The following AFP variants were observed in gnomAD, a reference collection of about 807,000 sequenced individuals.
The protein encoded by AFP is alpha fetoprotein.
In AFP, 64 loss-of-function variants were observed where a neutral mutation model predicts 78.9. The observed-to-expected ratio is 0.81, with a 90% CI of 0.66 to 1.00. AFP has a LOEUF of 1.00. Among genes scored for constraint, AFP ranks in the 50% least tolerant of loss-of-function variants. The pLI is 0.00. For missense variants in AFP, 689 were observed against 703.8 expected (o/e 0.98, Z 0.24); for synonymous variants, 254 against 243.8 (o/e 1.04, Z -0.39).
At position 73,442,343 on chromosome 4, in the gene AFP, C is replaced by G. The variant is rs151308004; in HGVS notation, c.530C>G (p.Thr177Arg). ...AGGCATCCCTTCCTGTATGCACCTA[C>G]AATTCTTCTTTGGGCTGCTCGCTAT... ...ARRHPFLYAP[T>R]ILLWAARYDK... The change falls in exon 5 of 15, where the codon ACA (threonine) becomes AGA (arginine). Residue 177 changes from threonine (T) to arginine (R), a missense_variant. Physicochemically the swap from Thr to Arg is moderately conservative, Grantham distance 71 (BLOSUM62 -1). Transcript: ENST00000395792. 1 of 1,613,926 alleles carries G rather than the reference C, an allele frequency of 6.2e-7. No homozygotes were observed. The highest frequency in any genetic ancestry group is 2.2e-5 in the East Asian group (1 of 44,856).
Position 73,453,896 on chromosome 4 carries a change from A to G in AFP, c.1784A>G (p.Glu595Gly). 1 of 1,613,628 alleles carries G rather than the reference A, an allele frequency of 6.2e-7. No homozygotes were observed. The highest frequency in any genetic ancestry group is 8.5e-7 in the Non-Finnish European group (1 of 1,179,626). ...GQEQEVCFAEEGQKLISKTRA... is the reference protein window; with the variant it reads ...GQEQEVCFAEGGQKLISKTRA... ...GAACAGGAAGTCTGCTTTGCTGAAG[A>G]GGTACATGCAGCTCATTTCATACTC... Residue 595 changes from glutamate to glycine, a missense_variant and splice_region_variant, in exon 13 of 15, where the codon GAG becomes GGG. Glu to Gly is a moderately conservative substitution (Grantham distance 98). Coordinates refer to ENST00000395792, the MANE Select transcript of AFP (RefSeq NM_001134.3).
chr4:73,454,343 A>G (rs113534837), intron 13 of AFP, among the ~76,000 whole-genome samples: 2,031 of 152,152 alleles, frequency 0.013, 27 homozygotes, highest in African/African-American at 0.042. Flanking sequence ...AGTAGTATTT[A>G]GGAGTTATTT....
chr4:73,439,576 A>C lies in AFP; in HGVS notation c.271-1026A>C, dbSNP rs373772049. Among the ~76,000 whole-genome samples, 52 of 152,320 alleles carry C rather than the reference A, an allele frequency of 3.4e-4. 1 individual carries two copies. In the South Asian group the frequency reaches 8.1e-3, roughly 24 times the overall value. ...TTTTAAATGAGGATTGGGAATTAGA[A>C]ATCTTACGTAAGCCTTCCAGGATTC... is the stretch of plus-strand genomic sequence containing the variant. On this transcript the variant is annotated intron_variant, in intron 3 of 14. Coordinates refer to ENST00000395792, the MANE Select transcript of AFP (RefSeq NM_001134.3).
chr4:73,453,599 C>G (rs1167302123), intron 12 of AFP, 166 bp from the exon 13 acceptor site: 1 of 757,532 alleles, frequency 1.3e-6, no homozygotes, highest in African/African-American at 1.8e-5. Flanking sequence ...ATGCTTTCAG[C>G]CTCAATCTTT....
At position 73,452,518 on chromosome 4, in the gene AFP, G is replaced by A. The variant is rs1720029539; in HGVS notation, c.1546G>A (p.Val516Met). Residue 516 changes from valine (V) to methionine (M), a missense_variant, in exon 12 of 15, where the codon GTG becomes ATG. Val to Met is a conservative substitution (Grantham distance 21, BLOSUM62 1). Coordinates refer to ENST00000395792, the MANE Select transcript of AFP (RefSeq NM_001134.3). The part of the protein sequence containing the change: ...ANRRPCFSSL[V>M]VDETYVPPAF... Reference sequence around the variant, plus strand: ...CAGGAGGCCATGCTTCAGCAGCTTGGTGGTGGATGAAACATATGTCCCTCC... The same window carrying A: ...CAGGAGGCCATGCTTCAGCAGCTTGATGGTGGATGAAACATATGTCCCTCC... 1.9e-6 allele frequency: 3 copies of A among 1,614,104 alleles called. No homozygotes were observed. The highest frequency in any genetic ancestry group is 2.5e-6 in the Non-Finnish European group (3 of 1,179,974).
chr4:73,443,458 C>G lies in AFP; in HGVS notation c.713+14C>G, dbSNP rs367614129. On this transcript the variant is annotated intron_variant, in intron 6 of 14. Transcript: ENST00000395792. ...TTTCCAAGCCATGTAAGTTCAAGTT[C>G]TATCTAGGGAAGAGGGTGAGAGCTA... 3.1e-5 allele frequency: 49 copies of G among 1,576,138 alleles called. No homozygotes were observed. The African/African-American group carries it at 5.3e-4, about 17-fold the overall frequency.
chr4:73,455,722 A>C lies in AFP; in HGVS notation c.*102A>C. The C allele has an allele frequency of 1.5e-6, 1 of 681,962 alleles. No homozygotes were observed. Among genetic ancestry groups the C allele is most frequent in the Non-Finnish European group, 2.6e-6 (1 of 378,670 alleles). The allele number at this position is 681,962 out of a possible 1,614,324, so 42.2% of individuals were successfully genotyped here. A position where few individuals can be genotyped will look rare whatever the true frequency, so the allele number is the denominator to read the frequency against. ...ACACTTTTTGTGAATTAATGAAATGATAAAGACTTTTATGTGAGATTTCCT... is the reference window on the plus strand; with the variant it reads ...ACACTTTTTGTGAATTAATGAAATGCTAAAGACTTTTATGTGAGATTTCCT... On this transcript the variant is annotated 3_prime_UTR_variant, in exon 15 of 15. Coordinates refer to ENST00000395792, the MANE Select transcript of AFP (RefSeq NM_001134.3).
chr4:73,444,480 T>A (rs1358958685), intron 6 of AFP, among the ~76,000 whole-genome samples: 11 of 152,162 alleles, frequency 7.2e-5, no homozygotes, highest in Admixed American at 5.9e-4. Flanking sequence ...ATTTCTTACT[T>A]CTTTTTTGGC....
chr4:73,453,164 T>A (rs927860431), intron 12 of AFP, among the ~76,000 whole-genome samples: 1 of 152,230 alleles, frequency 6.6e-6, no homozygotes, highest in Admixed American at 6.5e-5. Context: ...TGCATTTTAA[T>A]CCTCACTTGT....
chr4:73,447,367 C>T (rs994973792), intron 7 of AFP, 95 bp from the exon 8 acceptor site: 9 of 858,122 alleles, frequency 1.0e-5, no homozygotes, highest in African/African-American at 8.7e-5. Context: ...TCCCTTCTCC[C>T]TCCCTCCCCT....
rs777832818 is a variant in AFP at position 73,440,808 on chromosome 4, GA to G, written c.479del (p.Asn160ThrfsTer7). The G allele has an allele frequency of 9.9e-6, 16 of 1,613,160 alleles. No homozygotes were observed. On this transcript the variant is annotated frameshift_variant, in exon 4 of 15. Transcript: ENST00000395792. LOFTEE classifies it high-confidence loss of function. Reference sequence around the variant, plus strand: ...ATGAAGAAGACAGGGAGACATTCATGAACAAGTAAGGATCCAGTTTAAAGGT... The same window carrying G: ...ATGAAGAAGACAGGGAGACATTCATGACAAGTAAGGATCCAGTTTAAAGGT... ...AYEEDRETFM[N>X]KFIYEIARRH... is the part of the protein sequence containing the mutation.
At chr4:73,443,998 A>G (rs1719749947) in intron 6 of AFP, among the ~76,000 whole-genome samples, 1 of 152,182 alleles carries the variant, frequency 6.6e-6, no homozygotes, top group Non-Finnish European at 1.5e-5. Context: ...CTCTTTTATG[A>G]TAAAACATTT....
chr4:73,453,952 G>A (rs1014543169), intron 13 of AFP, 55 bp downstream of exon 13: 1 of 1,601,616 alleles, frequency 6.2e-7, no homozygotes, highest in Non-Finnish European at 8.6e-7. Flanking sequence ...TTCTGTAGTG[G>A]ATAATGAAAG....
intron 11 of AFP, among the ~76,000 whole-genome samples, chr4:73,451,815 T>G (rs1180644455): frequency 6.6e-6 from 1 of 152,226 alleles, no homozygotes; most frequent in Non-Finnish European, 1.5e-5. Context: ...ACACAAAACA[T>G]ATTATTTCTT....
At position 73,449,394 on chromosome 4, in the gene AFP, T is replaced by C; in HGVS notation, c.1118T>C (p.Val373Ala). The C allele has an allele frequency of 1.9e-6, 3 of 1,613,412 alleles. No homozygotes were observed. Among genetic ancestry groups the C allele is most frequent in the Non-Finnish European group, 2.5e-6 (3 of 1,179,544 alleles). ...CTTGCTGTCTCAGTAATTCTAAGAG[T>C]TGCTAAAGGATACCAGGAGTTATTG... Reference protein sequence around the residue: ...PQLAVSVILRVAKGYQELLEK... With the variant: ...PQLAVSVILRAAKGYQELLEK... The change falls in exon 9 of 15, where the codon GTT (valine) becomes GCT (alanine). Residue 373 changes from valine to alanine, a missense_variant. Transcript: ENST00000395792.
At chr4:73,444,917 A>T in intron 6 of AFP, 76 bp from the exon 7 acceptor site, 3 of 1,275,996 alleles carry the variant, frequency 2.4e-6, no homozygotes, top group Non-Finnish European at 3.3e-6. Flanking sequence ...CTTCTACTGT[A>T]GTAATACTCT....
In AFP at chr4:73,442,317, A is replaced by G; in HGVS notation, c.504A>G (p.Arg168=). The change falls in exon 5 of 15, where the codon AGA becomes AGG. Residue 168 remains arginine, a synonymous_variant. Transcript: ENST00000395792. The part of the protein sequence containing the change: ...FMNKFIYEIA[R]RHPFLYAPTI... Reference sequence around the variant, plus strand: ...ACAGATTCATTTATGAGATAGCAAGAAGGCATCCCTTCCTGTATGCACCTA... The same window carrying G: ...ACAGATTCATTTATGAGATAGCAAGGAGGCATCCCTTCCTGTATGCACCTA... The G allele has an allele frequency of 6.2e-7, 1 of 1,613,832 alleles. No homozygotes were observed. Among genetic ancestry groups the G allele is most frequent in the Non-Finnish European group, 8.5e-7 (1 of 1,179,802 alleles).
intron 4 of AFP, among the ~76,000 whole-genome samples, chr4:73,441,229 C>A (rs960754659): frequency 5.9e-5 from 9 of 152,060 alleles, no homozygotes; most frequent in Non-Finnish European, 4.4e-5. Flanking sequence ...CATGGTCAAG[C>A]ATGGTCAAGA....
Position 73,436,324 on chromosome 4 carries a change from T to C in AFP, c.62T>C (p.Leu21Pro). The C allele has an allele frequency of 6.3e-7, 1 of 1,592,114 alleles. No homozygotes were observed. Among genetic ancestry groups the C allele is most frequent in the South Asian group, 1.1e-5 (1 of 88,580 alleles). Residue 21 changes from leucine (L) to proline (P), a missense_variant, in exon 1 of 15, where the codon CTG (leucine) becomes CCG (proline). Coordinates refer to ENST00000395792, the MANE Select transcript of AFP (RefSeq NM_001134.3). ...FLLNFTESRTLHRNEYGIASI... is the reference protein window; with the variant it reads ...FLLNFTESRTPHRNEYGIASI... ...CTAAATTTTACTGAATCCAGAACAC[T>C]GCATAGAAATGAATATGGAATAGGT...
Sources: allele counts gnomAD v4.1 joint callset (sites outside exome capture counted in the v4.1 genomes callset), GRCh38; gene constraint gnomAD v4.1.1; transcripts MANE v1.5; gene names NCBI Gene and HGNC (gene_info 2026-07-23, HGNC 2026-07-21).